Variants in CEP128 observed in about 807,000 individuals in gnomAD.
The protein encoded by CEP128 is centrosomal protein 128.
CEP128 carries 132 observed loss-of-function variants against 156.7 expected under a neutral mutation model. The observed-to-expected ratio is 0.84, with a 90% CI of 0.73 to 0.97. The LOEUF (loss-of-function observed/expected upper bound fraction) is 0.97. Among genes scored for constraint, CEP128 ranks in the 50% least tolerant of loss-of-function variants. The probability of loss-of-function intolerance (pLI) is 0.00; values close to 1 mark genes in which losing one functional copy is unlikely to be tolerated. For synonymous variants in CEP128, 469 were observed against 448.9 expected, an observed-to-expected ratio of 1.04 and a Z score of -0.57; for missense variants, 1,252 against 1,281.9, an observed-to-expected ratio of 0.98 and a Z score of 0.36.
intron 13 of CEP128, among the ~76,000 whole-genome samples, chr14:80,823,711 C>G (rs1885319139): frequency 6.6e-6 from 1 of 152,232 alleles, no homozygotes; most frequent in South Asian, 2.1e-4. Flanking sequence ...AGCTTCCACC[C>G]CTGTGGCTTT....
At chr14:80,595,608 CAA>C (rs1892280069) in intron 19 of CEP128, among the ~76,000 whole-genome samples, 1 of 152,132 alleles carries the variant, frequency 6.6e-6, no homozygotes, top group African/African-American at 2.4e-5. Context: ...AAAGCTTACA[CAA>C]AGAGTTTTAC....
chr14:80,503,086 TAAAAC>T (rs1186856073), intron 24 of CEP128, among the ~76,000 whole-genome samples: 1 of 152,134 alleles, frequency 6.6e-6, no homozygotes, highest in Non-Finnish European at 1.5e-5. Context: ...AAGAAAATCA[TAAAAC>T]AAACTTGTAC....
chr14:80,762,124 T>G (rs1416178789), intron 16 of CEP128, among the ~76,000 whole-genome samples: 1 of 152,128 alleles, frequency 6.6e-6, no homozygotes, highest in Non-Finnish European at 1.5e-5. Flanking sequence ...ATTTACCACA[T>G]AAATGCTTTT....
At chr14:80,760,359 A>C (rs1899896894) in intron 17 of CEP128, among the ~76,000 whole-genome samples, 1 of 152,104 alleles carries the variant, frequency 6.6e-6, no homozygotes, top group Non-Finnish European at 1.5e-5. Flanking sequence ...ATTAAAGACA[A>C]ATTCTAAAAA....
chr14:80,539,849 A>G (rs1889661710), intron 21 of CEP128, among the ~76,000 whole-genome samples: 1 of 152,090 alleles, frequency 6.6e-6, no homozygotes, highest in Non-Finnish European at 1.5e-5. Context: ...GGAGGTCTAT[A>G]AACAGCCGCT....
upstream of CEP128, chr14:80,945,570 T>C (rs887631190): frequency 6.6e-6 from 1 of 152,196 alleles, no homozygotes; most frequent in African/African-American, 2.4e-5. Context: ...TGTCTCACCA[T>C]GGCTGATTAG....
chr14:80,909,299 A>C (rs773738125), intron 4 of CEP128, among the ~76,000 whole-genome samples: 2 of 151,550 alleles, frequency 1.3e-5, no homozygotes, highest in Non-Finnish European at 2.9e-5. Context: ...TCTTGCCAGC[A>C]TCCTTTTTAT....
chr14:80,555,103 G>T (rs1890374651), intron 21 of CEP128, among the ~76,000 whole-genome samples: 1 of 152,086 alleles, frequency 6.6e-6, no homozygotes, highest in Non-Finnish European at 1.5e-5. Flanking sequence ...TTGTATTTCA[G>T]AACGTCAGAA....
intron 19 of CEP128, among the ~76,000 whole-genome samples, chr14:80,695,466 A>G (rs1896858790): frequency 1.3e-5 from 2 of 151,940 alleles, no homozygotes; most frequent in Admixed American, 1.3e-4. Flanking sequence ...CTGTAATCCC[A>G]GCACTTTGGG....
chr14:80,949,200 G>C (rs1001487112), intron 2 of CEP128, among the ~76,000 whole-genome samples: 1 of 152,138 alleles, frequency 6.6e-6, no homozygotes, highest in African/African-American at 2.4e-5. Context: ...AATAAAGCAA[G>C]CCTTATGATT....
chr14:80,707,303 A>T (rs1897262855), intron 19 of CEP128, among the ~76,000 whole-genome samples: 1 of 152,126 alleles, frequency 6.6e-6, no homozygotes, highest in Non-Finnish European at 1.5e-5. Flanking sequence ...AAATTTTCAG[A>T]GACCTTGTAG....
At chr14:80,777,779 C>G (rs1900874896) in intron 16 of CEP128, 103 bp downstream of exon 16, 1 of 921,554 alleles carries the variant, frequency 1.1e-6, no homozygotes, top group Non-Finnish European at 1.6e-6. Context: ...TACAACTTCC[C>G]TGTGAAGGAC....
intron 10 of CEP128, 70 bp downstream of exon 10, chr14:80,840,612 C>A: frequency 1.1e-6 from 1 of 933,288 alleles, no homozygotes; most frequent in South Asian, 1.4e-5. Context: ...GGACACTTTT[C>A]AAGGCACTCA....
chr14:80,896,197 C>T (rs1227390044), intron 7 of CEP128, among the ~76,000 whole-genome samples: 2 of 152,284 alleles, frequency 1.3e-5, no homozygotes, highest in East Asian at 1.9e-4. Context: ...CTTGATCTTA[C>T]ACCCTCTTTC....
rs375633275 is a variant in CEP128 at position 80,502,187 on chromosome 14, C to T, written c.3181+2725G>A. Among the ~76,000 whole-genome samples the T allele has an allele frequency of 1.2e-4, 18 of 152,306 alleles. No homozygotes were observed. The South Asian group carries it at 3.5e-3, about 30-fold the overall frequency. ...CAATAAAAACTGCTGCTAACACCAC[C>T]GGCTTGCCCTTGAATTCTTCCCTGG... On this transcript the variant is annotated intron_variant, in intron 24 of 24. Transcript: ENST00000555265.
intron 19 of CEP128, among the ~76,000 whole-genome samples, chr14:80,670,861 TAA>T (rs1025902714): frequency 6.6e-6 from 1 of 152,076 alleles, no homozygotes; most frequent in Non-Finnish European, 1.5e-5. Context: ...AAAAATGAAA[TAA>T]GTCATGGAAT....
At chr14:80,558,974 A>G (rs1056678292) in intron 21 of CEP128, among the ~76,000 whole-genome samples, 40 of 152,354 alleles carry the variant, frequency 2.6e-4, no homozygotes, top group African/African-American at 8.7e-4. Context: ...TGATTGTGAA[A>G]TACAGTAGAA....
chr14:80,485,063 C>A (rs1192289730), intron 14 of CEP128, among the ~76,000 whole-genome samples: 1 of 152,124 alleles, frequency 6.6e-6, no homozygotes, highest in Non-Finnish European at 1.5e-5. Flanking sequence ...ACAGCTGTCT[C>A]TCAGTGGCTC....
chr14:80,652,894 G>A (rs1365285834), intron 19 of CEP128, among the ~76,000 whole-genome samples: 1 of 152,164 alleles, frequency 6.6e-6, no homozygotes, highest in Non-Finnish European at 1.5e-5. Flanking sequence ...GCACACGTAT[G>A]TTTATTGCAG....
Sources: allele counts gnomAD v4.1 joint callset (sites outside exome capture counted in the v4.1 genomes callset), GRCh38; gene constraint gnomAD v4.1.1; transcripts MANE v1.5; gene names NCBI Gene and HGNC (gene_info 2026-07-23, HGNC 2026-07-21).